Variants in AOPEP observed in about 807,000 individuals in gnomAD.
AOPEP encodes the protein aminopeptidase O.
In AOPEP, 77 loss-of-function variants were observed where a neutral mutation model predicts 98.1. That is an observed-to-expected ratio of 0.78 (90% CI 0.65 to 0.95). AOPEP has a LOEUF of 0.95. Among genes scored for constraint, AOPEP ranks in the 40% least tolerant of loss-of-function variants. The probability of loss-of-function intolerance (pLI) is 0.00; values close to 1 mark genes in which losing one functional copy is unlikely to be tolerated. For missense variants in AOPEP, 1,024 were observed against 1,024.7 expected (o/e 1.00, Z 0.01); for synonymous variants, 346 against 365.3 (o/e 0.95, Z 0.60).
At chr9:94,774,311 C>CAAAAAAA (rs34936539) in intron 3 of AOPEP, among the ~76,000 whole-genome samples, 4 of 67,810 alleles carry the variant, frequency 5.9e-5, no homozygotes, top group Admixed American at 1.9e-4. Flanking sequence ...GACTCCATCT[C>CAAAAAAA]AAAAAAAAAA....
intron 1 of AOPEP, among the ~76,000 whole-genome samples, chr9:94,748,732 T>A (rs1835058268): frequency 6.6e-6 from 1 of 152,218 alleles, no homozygotes; most frequent in South Asian, 2.1e-4. Flanking sequence ...CCTTCACACT[T>A]TTGAAGAGTA....
At chr9:94,941,990 C>A (rs1253984788) in intron 7 of AOPEP, among the ~76,000 whole-genome samples, 3 of 152,140 alleles carry the variant, frequency 2.0e-5, no homozygotes, top group African/African-American at 7.2e-5. Flanking sequence ...ATAATTACTG[C>A]TACTGTTTTC....
At chr9:94,914,864 G>A (rs925816904) in intron 5 of AOPEP, among the ~76,000 whole-genome samples, 4 of 152,198 alleles carry the variant, frequency 2.6e-5, no homozygotes, top group Admixed American at 6.5e-5. Flanking sequence ...GTGAGGCCCA[G>A]AGATCTGTTT....
intron 5 of AOPEP, among the ~76,000 whole-genome samples, chr9:94,886,656 A>G (rs948762985): frequency 1.3e-5 from 2 of 152,204 alleles, no homozygotes; most frequent in Non-Finnish European, 2.9e-5. Flanking sequence ...CTGATTTCCT[A>G]CAGTTTGATT....
intron 5 of AOPEP, among the ~76,000 whole-genome samples, chr9:94,838,909 CTTTTTTTT>C (rs35849023): frequency 2.0e-5 from 2 of 99,770 alleles, no homozygotes; most frequent in Non-Finnish European, 3.6e-5. Flanking sequence ...AAATGCTATT[CTTTTTTTT>C]TTTTTTTTTT....
chr9:95,018,344 G>C (rs568549427), intron 13 of AOPEP, among the ~76,000 whole-genome samples: 1 of 152,134 alleles, frequency 6.6e-6, no homozygotes, highest in East Asian at 1.9e-4. Flanking sequence ...GTGTTCAAAC[G>C]TGCTTTTTTA....
the AOPEP span, chr9:95,110,958 C>T: frequency 2.2e-6 from 3 of 1,392,894 alleles, no homozygotes; most frequent in African/African-American, 4.3e-5. Context: ...TTAATATCAT[C>T]TGATTACTTT....
chr9:94,951,539 A>C (rs781595368), intron 7 of AOPEP, among the ~76,000 whole-genome samples: 71 of 152,220 alleles, frequency 4.7e-4, no homozygotes, highest in Non-Finnish European at 8.7e-4. Flanking sequence ...ATGCATAATA[A>C]GAAGAGCTTG....
chr9:94,959,328 G>T (rs545939213), intron 9 of AOPEP, among the ~76,000 whole-genome samples: 3 of 152,068 alleles, frequency 2.0e-5, no homozygotes, highest in African/African-American at 7.2e-5. Context: ...CAGGTGTGAT[G>T]AATTAATTTT....
At chr9:94,776,428 A>T (rs1167489096) in intron 3 of AOPEP, among the ~76,000 whole-genome samples, 3 of 152,150 alleles carry the variant, frequency 2.0e-5, no homozygotes, top group African/African-American at 7.2e-5. Context: ...CAGCCTCCCG[A>T]GTAGCTGGGA....
In AOPEP at chr9:95,062,251, C is replaced by A. The variant is rs2067378036; in HGVS notation, c.2232+1441C>A. 1.1e-4 allele frequency among the ~76,000 whole-genome samples: 6 copies of A among 54,578 alleles called. No individual in the cohort carries two copies. The Admixed American group carries it at 1.3e-3, about 12-fold the overall frequency. 35.8% of individuals were successfully genotyped at this position (54,578 alleles called of 152,430 possible). A position where few individuals can be genotyped will look rare whatever the true frequency, so the allele number is the denominator to read the frequency against. ...GAAACACCTGCCCAGGCTAACGGGGCAGATCTCTAGTACAGCGCAGGGGTG... is the reference window on the plus strand; with the variant it reads ...GAAACACCTGCCCAGGCTAACGGGGAAGATCTCTAGTACAGCGCAGGGGTG... On this transcript the variant is annotated intron_variant, in intron 14 of 16. Transcript: ENST00000375315.
intron 5 of AOPEP, among the ~76,000 whole-genome samples, chr9:94,802,136 G>A (rs1398548580): frequency 6.6e-6 from 1 of 152,098 alleles, no homozygotes; most frequent in East Asian, 1.9e-4. Flanking sequence ...TCATATAATT[G>A]TCTTGGATGT....
rs1214190972 is a variant in AOPEP, at chr9:94,972,094, G to C, written c.1916+4293G>C. Among the ~76,000 whole-genome samples the C allele has an allele frequency of 6.6e-6, 1 of 152,268 alleles. No individual in the cohort carries two copies. The highest frequency in any genetic ancestry group is 1.5e-5 in the Non-Finnish European group (1 of 68,054). On this transcript the variant is annotated intron_variant, in intron 10 of 16. Transcript: ENST00000375315. This position sits in a 1 kb window ranked among gnomAD's most constrained non-coding sequence, Gnocchi z 4.2. ...GAGCGGTTCAGTCAAGAGACCTGGA[G>C]AGGTGGAGCTATGGCAGGGACGGTG...
intron 13 of AOPEP, among the ~76,000 whole-genome samples, chr9:95,024,325 C>T (rs930221104): frequency 1.3e-5 from 2 of 152,182 alleles, no homozygotes; most frequent in African/African-American, 2.4e-5. Flanking sequence ...GTTGGAATAT[C>T]CTTACCTTTG....
At chr9:95,003,115 G>A (rs940520992) in intron 11 of AOPEP, among the ~76,000 whole-genome samples, 1 of 148,676 alleles carries the variant, frequency 6.7e-6, no homozygotes, top group African/African-American at 2.6e-5. Context: ...TCTTTCCAGT[G>A]GTTCAATGGG....
chr9:95,115,731 C>T, the AOPEP span, among the ~76,000 whole-genome samples: 1 of 152,184 alleles, frequency 6.6e-6, no homozygotes, highest in Admixed American at 6.5e-5. Flanking sequence ...ACAAGGCCAG[C>T]GCCTCCCTCC....
chr9:94,864,747 G>T (rs952849757), intron 5 of AOPEP, among the ~76,000 whole-genome samples: 1 of 152,054 alleles, frequency 6.6e-6, no homozygotes, highest in Admixed American at 6.5e-5. Context: ...TTTTCCCAAG[G>T]TAGGAATTTT....
intron 5 of AOPEP, among the ~76,000 whole-genome samples, chr9:94,908,510 G>C (rs1416137139): frequency 1.3e-5 from 2 of 152,198 alleles, no homozygotes; most frequent in Non-Finnish European, 2.9e-5. Context: ...GCTAACATTT[G>C]TGGGATGTTT....
At chr9:94,880,427 C>T (rs1240074394) in intron 5 of AOPEP, among the ~76,000 whole-genome samples, 2 of 146,254 alleles carry the variant, frequency 1.4e-5, no homozygotes, top group Non-Finnish European at 3.0e-5. Flanking sequence ...AGTGCCATGG[C>T]GTGACCATGG....
Sources: allele counts gnomAD v4.1 joint callset (sites outside exome capture counted in the v4.1 genomes callset), GRCh38; gene constraint gnomAD v4.1.1; non-coding constraint Gnocchi (gnomAD v3.1); transcripts MANE v1.5; gene names NCBI Gene and HGNC (gene_info 2026-07-23, HGNC 2026-07-21).